Variants in MYOM1 observed in about 807,000 individuals in gnomAD.
MYOM1 encodes myomesin 1.
Under a neutral mutation model 205.3 loss-of-function variants are expected in MYOM1, and 164 were observed. The observed-to-expected ratio is 0.80, with a 90% CI of 0.70 to 0.91. MYOM1 has a LOEUF of 0.91. MYOM1 is among the 40% of genes least tolerant of loss of function. MYOM1 has a pLI of 0.00. For missense variants in MYOM1, 2,011 were observed against 2,127.3 expected (o/e 0.95, Z 1.08); for synonymous variants, 772 against 789.4 (o/e 0.98, Z 0.37).
chr18:3,158,346 C>T (rs1450858704), intron 10 of MYOM1, among the ~76,000 whole-genome samples: 1 of 152,190 alleles, frequency 6.6e-6, no homozygotes, highest in Non-Finnish European at 1.5e-5. Flanking sequence ...CTTTACTCTA[C>T]AACTTGCATA....
At chr18:3,096,216 A>T (rs1391203547) in intron 25 of MYOM1, among the ~76,000 whole-genome samples, 3 of 152,198 alleles carry the variant, frequency 2.0e-5, no homozygotes. Context: ...GGGTTTAACC[A>T]GCTGTTTGCA....
rs1238620320 is a variant in MYOM1 at position 3,134,835 on chromosome 18, G to A, written c.2210-11C>T. ...GAGCCTTGGGGATATCTGAGAAAGA[G>A]GAAAATGGTGATCAAACTCAAGTGG... On this transcript the variant is annotated splice_polypyrimidine_tract_variant and intron_variant, in intron 15 of 37. Transcript: ENST00000356443. 11 of 1,613,736 alleles carry A rather than the reference G, an allele frequency of 6.8e-6. No individual in the cohort carries two copies. The highest frequency in any genetic ancestry group is 2.7e-5 in the African/African-American group (2 of 74,894).
At chr18:3,239,842 A>T in the MYOM1 span, among the ~76,000 whole-genome samples, 20 of 151,080 alleles carry the variant, frequency 1.3e-4, no homozygotes, top group Non-Finnish European at 2.8e-4. Context: ...TCGAGGGCCC[A>T]CTTGAAGTCT....
intron 30 of MYOM1, 111 bp from the exon 31 acceptor site, chr18:3,085,243 T>TGC: frequency 7.3e-5 from 1 of 13,780 alleles, no homozygotes; most frequent in South Asian, 1.7e-3. Flanking sequence ...TTTTTTTTTT[T>TGC]TTTTTTTTTT....
chr18:3,100,283 A>C (rs2079359343), intron 24 of MYOM1, 37 bp downstream of exon 24: 1 of 1,612,066 alleles, frequency 6.2e-7, no homozygotes, highest in Non-Finnish European at 8.5e-7. Flanking sequence ...AATTCAAAGC[A>C]ACATTCGATG....
intron 21 of MYOM1, among the ~76,000 whole-genome samples, chr18:3,115,227 T>C (rs139967651): frequency 7.2e-5 from 11 of 152,314 alleles, no homozygotes; most frequent in African/African-American, 2.6e-4. Context: ...CTCTTCCTCA[T>C]GAAAAGATGA....
At position 3,155,444 on chromosome 18, in the gene MYOM1, T is replaced by C. The variant is rs571654884; in HGVS notation, c.1502-356A>G. 4.6e-5 allele frequency among the ~76,000 whole-genome samples: 7 copies of C among 152,338 alleles called. No homozygotes were observed. In the South Asian group the frequency reaches 1.5e-3, roughly 32 times the overall value. Reference sequence around the variant, plus strand: ...TTTCACCGTGTTAGCCAGGATGGTCTTGATCTCCTGACCTTGTGATCCGCC... The same window carrying C: ...TTTCACCGTGTTAGCCAGGATGGTCCTGATCTCCTGACCTTGTGATCCGCC... On this transcript the variant is annotated intron_variant, in intron 10 of 37. Transcript: ENST00000356443.
At chr18:3,160,064 C>T (rs1487768384) in intron 10 of MYOM1, among the ~76,000 whole-genome samples, 8 of 147,724 alleles carry the variant, frequency 5.4e-5, no homozygotes, top group Non-Finnish European at 8.9e-5. Flanking sequence ...CCTCCTCCTT[C>T]TTCTTCTTCT....
At chr18:3,200,198 A>C (rs2081047654) in intron 2 of MYOM1, among the ~76,000 whole-genome samples, 1 of 152,132 alleles carries the variant, frequency 6.6e-6, no homozygotes, top group Non-Finnish European at 1.5e-5. Flanking sequence ...AAACAAAAAA[A>C]CCCAAAAAAC....
the MYOM1 span, among the ~76,000 whole-genome samples, chr18:3,238,389 G>A: frequency 1.3e-5 from 2 of 152,076 alleles, no homozygotes; most frequent in African/African-American, 4.8e-5. Flanking sequence ...GGGGGAGGCA[G>A]GGGGTGTTGG....
chr18:3,151,869 C>G lies in MYOM1; in HGVS notation c.1668G>C (p.Trp556Cys). The G allele has an allele frequency of 1.2e-6, 2 of 1,612,722 alleles. No individual in the cohort carries two copies. The highest frequency in any genetic ancestry group is 4.5e-5 in the East Asian group (2 of 44,828). Residue 556 changes from tryptophan to cysteine, a missense_variant, in exon 12 of 38, where the codon TGG becomes TGC. Transcript: ENST00000356443. Reference protein sequence around the residue: ...IDKCEVGTDSWSQCNDTPVKF... With the variant: ...IDKCEVGTDSCSQCNDTPVKF... ...TCACAGGTGTGTCATTGCACTGCGACCAGCTATCTGTGCCCACCTCACACC... is the reference window on the plus strand; with the variant it reads ...TCACAGGTGTGTCATTGCACTGCGAGCAGCTATCTGTGCCCACCTCACACC...
chr18:3,180,945 C>T (rs1350022963), intron 5 of MYOM1, among the ~76,000 whole-genome samples: 1 of 147,174 alleles, frequency 6.8e-6, no homozygotes, highest in African/African-American at 2.5e-5. Flanking sequence ...TTTTTTGAGA[C>T]GGAGTCTTAC....
chr18:3,228,810 T>G, the MYOM1 span, among the ~76,000 whole-genome samples: 188 of 152,238 alleles, frequency 1.2e-3, no homozygotes, highest in Non-Finnish European at 2.4e-3. This position sits in a 1 kb window ranked among gnomAD's most constrained non-coding sequence, Gnocchi z 4.5. Context: ...GTCTCTACAG[T>G]TCAGCTTTTT....
intron 5 of MYOM1, among the ~76,000 whole-genome samples, chr18:3,185,688 T>C (rs1038261871): frequency 1.3e-5 from 2 of 152,220 alleles, no homozygotes; most frequent in African/African-American, 2.4e-5. Flanking sequence ...AATTGATTTT[T>C]TTAAACTTCA....
chr18:3,190,326 G>A (rs539305196), intron 3 of MYOM1: 4 of 152,176 alleles, frequency 2.6e-5, no homozygotes, highest in African/African-American at 7.2e-5. Flanking sequence ...AGACAGAATC[G>A]TGCATTCTAA....
At chr18:3,215,314 C>G (rs1445108339) in intron 1 of MYOM1, 63 bp from the exon 2 acceptor site, 18 of 1,259,322 alleles carry the variant, frequency 1.4e-5, no homozygotes, top group Non-Finnish European at 1.8e-5. Context: ...ACCAAGTCAT[C>G]TAAATCAATG....
intron 6 of MYOM1, among the ~76,000 whole-genome samples, 175 bp downstream of exon 6, chr18:3,175,866 AG>A (rs774016695): frequency 1.4e-4 from 21 of 152,312 alleles, no homozygotes; most frequent in Non-Finnish European, 2.8e-4. Context: ...GGGTATGGTA[AG>A]GATCAGTCAT....
intron 19 of MYOM1, among the ~76,000 whole-genome samples, chr18:3,123,447 T>C (rs1013884737): frequency 2.6e-5 from 4 of 152,004 alleles, no homozygotes; most frequent in Admixed American, 1.3e-4. Flanking sequence ...CAAACCTCTG[T>C]AGAGAATCGT....
intron 6 of MYOM1, among the ~76,000 whole-genome samples, chr18:3,174,658 C>T (rs1004188104): frequency 5.9e-5 from 9 of 152,242 alleles, no homozygotes; most frequent in African/African-American, 1.7e-4. Context: ...GCTGTCCTGC[C>T]CTTGTGGTGG....
Sources: allele counts gnomAD v4.1 joint callset (sites outside exome capture counted in the v4.1 genomes callset), GRCh38; gene constraint gnomAD v4.1.1; non-coding constraint Gnocchi (gnomAD v3.1); transcripts MANE v1.5; gene names NCBI Gene and HGNC (gene_info 2026-07-23, HGNC 2026-07-21).